RABL3: variants seen among roughly 807,000 people sequenced by gnomAD.
RABL3 encodes RAB, member of RAS oncogene family like 3.
RABL3 carries 31 observed loss-of-function variants against 31.8 expected under a neutral mutation model. The ratio of observed to expected loss-of-function variants is 0.97; its 90% confidence interval spans 0.73 to 1.31. The LOEUF (loss-of-function observed/expected upper bound fraction) is 1.31, where lower values mean the gene tolerates loss of function less well. Ranked by LOEUF, RABL3 falls within the 40% of genes most tolerant of loss-of-function variation. RABL3 has a pLI of 0.00. For missense variants in RABL3, 263 were observed against 279.6 expected, an observed-to-expected ratio of 0.94 and a Z score of 0.42; for synonymous variants, 97 against 99.9, an observed-to-expected ratio of 0.97 and a Z score of 0.18.
At chr3:120,697,066 T>C (rs1233111287) in intron 5 of RABL3, among the ~76,000 whole-genome samples, 2 of 152,248 alleles carry the variant, frequency 1.3e-5, no homozygotes, top group Admixed American at 6.5e-5. Context: ...CCAGGCTTGA[T>C]GAATAAAAAG....
chr3:120,721,772 G>C (rs550601814), intron 2 of RABL3, among the ~76,000 whole-genome samples: 1 of 152,256 alleles, frequency 6.6e-6, no homozygotes, highest in South Asian at 2.1e-4. Context: ...AGATCAATGA[G>C]ACAGAAAGTT....
At chr3:120,718,602 G>T (rs1708697959) in intron 2 of RABL3, among the ~76,000 whole-genome samples, 1 of 152,152 alleles carries the variant, frequency 6.6e-6, no homozygotes, top group Admixed American at 6.5e-5. Context: ...CAGATGCTTG[G>T]GCACCAATCA....
intron 2 of RABL3, among the ~76,000 whole-genome samples, chr3:120,711,494 G>A (rs1049663757): frequency 3.3e-5 from 5 of 152,052 alleles, no homozygotes; most frequent in African/African-American, 1.2e-4. Flanking sequence ...CAACCTCCCT[G>A]TTTGTTTTCT....
chr3:120,711,842 G>A (rs2107583843), intron 2 of RABL3, among the ~76,000 whole-genome samples: 1 of 152,230 alleles, frequency 6.6e-6, no homozygotes. Flanking sequence ...AAACGATTCT[G>A]CTGTAATCCC....
intron 2 of RABL3, among the ~76,000 whole-genome samples, chr3:120,713,391 T>C (rs1054013702): frequency 6.6e-6 from 1 of 152,280 alleles, no homozygotes; most frequent in African/African-American, 2.4e-5. Context: ...TTACAGCTTC[T>C]AGTTATGATG....
At position 120,707,656 on chromosome 3, in the gene RABL3, C is replaced by T. The variant is rs551514736; in HGVS notation, c.269-1542G>A. On this transcript the variant is annotated intron_variant, in intron 3 of 7. Transcript: ENST00000273375. ...GCAAAAAACTGGCATATATTTTCTC[C>T]CTTTCCTTTTCCCCAGGCTATAAAT... Among the ~76,000 whole-genome samples, 6 of 152,114 alleles carry T rather than the reference C, an allele frequency of 3.9e-5. No individual in the cohort carries two copies. In the South Asian group the frequency reaches 1.2e-3, roughly 32 times the overall value.
intron 1 of RABL3, 37 bp from the exon 2 acceptor site, chr3:120,730,824 C>A: frequency 2.2e-6 from 3 of 1,380,478 alleles, no homozygotes; most frequent in Non-Finnish European, 3.1e-6. Context: ...ACATAAGAGA[C>A]AAGGCTGAAA....
chr3:120,689,999 A>G, intron 7 of RABL3, 111 bp from the exon 8 acceptor site: 1 of 808,426 alleles, frequency 1.2e-6, no homozygotes, highest in Non-Finnish European at 2.0e-6. Context: ...TGTTTCTTAA[A>G]AAAACAACTT....
At chr3:120,712,147 A>C (rs1437862528) in intron 2 of RABL3, among the ~76,000 whole-genome samples, 1 of 152,132 alleles carries the variant, frequency 6.6e-6, no homozygotes, top group African/African-American at 2.4e-5. Context: ...TTTTTGTCCA[A>C]ATCCTTTTGG....
chr3:120,742,508 C>T lies in RABL3; in HGVS notation c.-1G>A, dbSNP rs914602667. ...CCTTCACCCGATCCAGGGACGCCAT[C>T]TTGCCACTGCCTTCCCTGGGTTAAC... On this transcript the variant is annotated 5_prime_UTR_variant, in exon 1 of 8. Coordinates refer to ENST00000273375, the MANE Select transcript of RABL3 (RefSeq NM_173825.5). 1 of 1,614,210 alleles carries T rather than the reference C, an allele frequency of 6.2e-7. No individual in the cohort carries two copies. Among genetic ancestry groups the T allele is most frequent in the Non-Finnish European group, 8.5e-7 (1 of 1,180,028 alleles).
Position 120,709,758 on chromosome 3 carries a change from T to G in RABL3, c.268+22A>C, listed in dbSNP as rs184976425. 4,131 of 1,574,028 alleles carry G rather than the reference T, an allele frequency of 2.6e-3. 6 individuals carry two copies. The highest frequency in any genetic ancestry group is 3.3e-3 in the Non-Finnish European group (3,745 of 1,149,058). On this transcript the variant is annotated intron_variant, in intron 3 of 7. Transcript: ENST00000273375. ...ATACTCTTAGACCATTAATATAAGA[T>G]AGAAATTTAAAAATGTTTTACCATT... is the stretch of plus-strand genomic sequence containing the variant.
intron 2 of RABL3, among the ~76,000 whole-genome samples, chr3:120,725,510 C>T (rs564234302): frequency 7.9e-5 from 12 of 152,286 alleles, no homozygotes; most frequent in African/African-American, 2.4e-4. Flanking sequence ...ATGTTTACTG[C>T]AGCACTATTC....
rs1199853578 is a variant in RABL3, at chr3:120,685,183, C to G, written c.*4640G>C. ...GTTGGATAGAAAGTGGAAAACATTA[C>G]ATCCAGGAATTGCTACAAGGTAATG... On this transcript the variant is annotated 3_prime_UTR_variant, in exon 8 of 8. Coordinates refer to ENST00000273375, the MANE Select transcript of RABL3 (RefSeq NM_173825.5). Among the ~76,000 whole-genome samples the G allele has an allele frequency of 6.6e-6, 1 of 152,170 alleles. No homozygotes were observed. Among genetic ancestry groups the G allele is most frequent in the Non-Finnish European group, 1.5e-5 (1 of 68,036 alleles).
chr3:120,732,644 A>G (rs1238835216), intron 1 of RABL3, among the ~76,000 whole-genome samples: 1 of 152,116 alleles, frequency 6.6e-6, no homozygotes, highest in African/African-American at 2.4e-5. Context: ...TACATGCACC[A>G]TGTTGGTGTG....
chr3:120,728,459 A>G (rs1401172766), intron 2 of RABL3, among the ~76,000 whole-genome samples: 2 of 152,212 alleles, frequency 1.3e-5, no homozygotes, highest in African/African-American at 4.8e-5. Flanking sequence ...TCTTTCACAG[A>G]ATCGGAGCTA....
intron 2 of RABL3, among the ~76,000 whole-genome samples, chr3:120,725,008 C>T (rs895872836): frequency 2.6e-5 from 4 of 151,994 alleles, no homozygotes; most frequent in Non-Finnish European, 5.9e-5. Flanking sequence ...TCAGAGTGAA[C>T]AGGCAACCTA....
At chr3:120,733,815 C>G (rs1708919208) in intron 1 of RABL3, among the ~76,000 whole-genome samples, 1 of 152,168 alleles carries the variant, frequency 6.6e-6, no homozygotes, top group Admixed American at 6.5e-5. Flanking sequence ...AATAGGGAAT[C>G]CTTTCCCCAT....
intron 1 of RABL3, among the ~76,000 whole-genome samples, chr3:120,739,754 AT>A (rs1709019777): frequency 6.6e-6 from 1 of 152,136 alleles, no homozygotes; most frequent in Admixed American, 6.5e-5. Context: ...TTGATTCTGT[AT>A]TTGTAAATAG....
chr3:120,687,568 G>A lies in RABL3; in HGVS notation c.*2255C>T, dbSNP rs1008216412. 5.3e-5 allele frequency: 8 copies of A among 152,138 alleles called. No homozygotes were observed. The highest frequency in any genetic ancestry group is 1.9e-4 in the African/African-American group (8 of 41,422). 9.4% of individuals were successfully genotyped at this position (152,138 alleles called of 1,614,324 possible). On this transcript the variant is annotated 3_prime_UTR_variant, in exon 8 of 8. Transcript: ENST00000273375. ...CTTCATTCTTTTTTGAATAACTCTA[G>A]CTAATAACATTCATTTGCGCAAAAA...
Sources: allele counts gnomAD v4.1 joint callset (sites outside exome capture counted in the v4.1 genomes callset), GRCh38; gene constraint gnomAD v4.1.1; transcripts MANE v1.5; gene names NCBI Gene and HGNC (gene_info 2026-07-23, HGNC 2026-07-21).